The following FANCI variants were observed in gnomAD, a reference collection of about 807,000 sequenced individuals.
FANCI encodes FA complementation group I.
A neutral mutation model predicts 176.1 loss-of-function variants in FANCI; 156 were observed. The observed-to-expected ratio is 0.89, with a 90% CI of 0.78 to 1.01. The LOEUF (loss-of-function observed/expected upper bound fraction) is 1.01. Ranked by LOEUF, FANCI falls within the 50% of genes least tolerant of loss-of-function variation. FANCI has a pLI of 0.00. For missense variants in FANCI, 1,678 were observed against 1,534.1 expected, an observed-to-expected ratio of 1.09 and a Z score of -1.57; for synonymous variants, 613 against 541.7, an observed-to-expected ratio of 1.13 and a Z score of -1.83.
intron 6 of FANCI, among the ~76,000 whole-genome samples, chr15:89,263,083 T>G (rs2052783836): frequency 6.6e-6 from 1 of 152,226 alleles, no homozygotes; most frequent in South Asian, 2.1e-4. Context: ...GTACATGGCA[T>G]ATATTTCAAA....
intron 10 of FANCI, among the ~76,000 whole-genome samples, chr15:89,269,271 TAAG>T (rs1299373774): frequency 6.6e-6 from 1 of 152,218 alleles, no homozygotes; most frequent in African/African-American, 2.4e-5. Flanking sequence ...TTCAGCATGC[TAAG>T]AATAAGGACA....
At chr15:89,248,442 GT>G (rs2052086860) in intron 2 of FANCI, among the ~76,000 whole-genome samples, 1 of 152,024 alleles carries the variant, frequency 6.6e-6, no homozygotes, top group Non-Finnish European at 1.5e-5. Context: ...TTGTGTTAAT[GT>G]TGTAGTTATT....
At chr15:89,257,734 G>T (rs1219779109) in intron 2 of FANCI, among the ~76,000 whole-genome samples, 1 of 152,154 alleles carries the variant, frequency 6.6e-6, no homozygotes, top group Non-Finnish European at 1.5e-5. Flanking sequence ...GAAATTTGGG[G>T]TTGTGGGGAG....
In FANCI at chr15:89,284,007, C is replaced by T. The variant is rs543884867; in HGVS notation, c.1698+757C>T. 2.1e-4 allele frequency among the ~76,000 whole-genome samples: 32 copies of T among 152,064 alleles called. No homozygotes were observed. In the South Asian group the frequency reaches 3.1e-3, roughly 15 times the overall value. ...CGATCTCCTGACCTCGTGATCCACC[C>T]GCCTCGGCCTCCCAAAGTGCTGGGA... On this transcript the variant is annotated intron_variant, in intron 17 of 37. Transcript: ENST00000310775.
At chr15:89,268,717 C>T (rs1453790553) in intron 10 of FANCI, 192 bp downstream of exon 10, 5 of 623,094 alleles carry the variant, frequency 8.0e-6, no homozygotes, top group Middle Eastern at 9.2e-4. Flanking sequence ...TTTTTAATGT[C>T]CTCACTTTAG....
intron 18 of FANCI, among the ~76,000 whole-genome samples, chr15:89,288,883 C>G (rs993341771): frequency 1.1e-4 from 17 of 151,974 alleles, no homozygotes; most frequent in Admixed American, 5.2e-4. Flanking sequence ...TCAAGCGATC[C>G]TCCTGCCTCA....
In FANCI at chr15:89,307,692, T is replaced by C. The variant is rs1284385864; in HGVS notation, c.3651+20T>C. 3 of 1,614,164 alleles carry C rather than the reference T, an allele frequency of 1.9e-6. No individual in the cohort carries two copies. Among genetic ancestry groups the C allele is most frequent in the Non-Finnish European group, 1.7e-6 (2 of 1,180,032 alleles). ...GTACAGGTAAGAGATTCAGAGGCAG[T>C]ACCCAATAGGTCTTCAAGAAAGGAT... On this transcript the variant is annotated intron_variant, in intron 34 of 37. Transcript: ENST00000310775.
rs1043191934 is a variant in FANCI at position 89,295,010 on chromosome 15, A to G, written c.2552A>G (p.Gln851Arg). 6.4e-7 allele frequency: 1 copy of G among 1,552,324 alleles called. No homozygotes were observed. The highest frequency in any genetic ancestry group is 8.7e-7 in the Non-Finnish European group (1 of 1,147,134). Residue 851 changes from glutamine (Q) to arginine (R), a missense_variant, in exon 24 of 38, where the codon CAG (glutamine) becomes CGG (arginine). Gln to Arg is a conservative substitution (Grantham distance 43). Around this residue, in one of 3 missense-constraint regions of FANCI, gnomAD observed 1,204 missense variants for 1,077.4 expected, o/e 1.12. Transcript: ENST00000310775. The part of the protein sequence containing the change: ...YAVNVALQKV[Q>R]QLKETGHVSG... ...GTGAATGTAGCTCTGCAGAAAGTACAGCAGCTAAAGGAAACAGGGCATGTG... is the reference window on the plus strand; with the variant it reads ...GTGAATGTAGCTCTGCAGAAAGTACGGCAGCTAAAGGAAACAGGGCATGTG...
chr15:89,247,794 A>G, intron 2 of FANCI, 63 bp downstream of exon 2: 2 of 1,434,078 alleles, frequency 1.4e-6, no homozygotes, highest in Non-Finnish European at 2.0e-6. Context: ...CATTCAAAGG[A>G]CATGTGAGAA....
chr15:89,249,784 A>G (rs962709372), intron 2 of FANCI, among the ~76,000 whole-genome samples: 5 of 152,378 alleles, frequency 3.3e-5, no homozygotes, highest in Non-Finnish European at 4.4e-5. Context: ...AAACATTGCT[A>G]AAGAGAAAAT....
At chr15:89,294,854 C>T in intron 23 of FANCI, 61 bp from the exon 24 acceptor site, 2 of 1,508,562 alleles carry the variant, frequency 1.3e-6, no homozygotes, top group Non-Finnish European at 1.8e-6. Flanking sequence ...AGCTTAATTC[C>T]ATATACCAAT....
At chr15:89,309,336 A>T (rs929946725) in intron 34 of FANCI, among the ~76,000 whole-genome samples, 3 of 152,132 alleles carry the variant, frequency 2.0e-5, no homozygotes, top group African/African-American at 7.2e-5. Flanking sequence ...ACCTATAAAG[A>T]CACATTTCAC....
intron 11 of FANCI, 39 bp downstream of exon 11, chr15:89,273,508 T>C: frequency 1.1e-6 from 1 of 890,102 alleles, no homozygotes; most frequent in Non-Finnish European, 1.8e-6. Context: ...TTTCTGTAGT[T>C]GGTAAAAAAA....
chr15:89,298,865 A>C (rs1387944223), intron 24 of FANCI, among the ~76,000 whole-genome samples: 2 of 152,118 alleles, frequency 1.3e-5, no homozygotes, highest in Non-Finnish European at 2.9e-5. Context: ...TTGAAAGCTC[A>C]CTCAACAAAA....
At chr15:89,271,900 A>G (rs1228229051) in intron 10 of FANCI, among the ~76,000 whole-genome samples, 1 of 152,254 alleles carries the variant, frequency 6.6e-6, no homozygotes, top group Non-Finnish European at 1.5e-5. Flanking sequence ...ATTACAAATA[A>G]TGCTGCCACT....
chr15:89,305,968 G>A (rs781370696), intron 31 of FANCI, 39 bp from the exon 32 acceptor site: 13 of 1,606,696 alleles, frequency 8.1e-6, no homozygotes, highest in Admixed American at 3.3e-5. Flanking sequence ...ATTAGAAAAC[G>A]AAGTTGGGTT....
chr15:89,291,810 T>C (rs536047604), intron 20 of FANCI, 96 bp downstream of exon 20: 31 of 950,972 alleles, frequency 3.3e-5, no homozygotes, highest in Non-Finnish European at 5.1e-5. Context: ...ACTCTCTTCC[T>C]GGTTCTTCCA....
rs1365142503 is a variant in FANCI, at chr15:89,285,206, C to G, written c.1809C>G (p.Leu603=). 1 of 1,614,146 alleles carries G rather than the reference C, an allele frequency of 6.2e-7. No homozygotes were observed. The highest frequency in any genetic ancestry group is 1.1e-5 in the South Asian group (1 of 91,068). Residue 603 remains leucine (L), a synonymous_variant, in exon 18 of 38, where the codon CTC becomes CTG. Coordinates refer to ENST00000310775, the MANE Select transcript of FANCI (RefSeq NM_001113378.2). ...RCLSQQADVR[L]MLYEGFYDVL... ...TAAGCCAGCAAGCTGATGTTCGACT[C>G]ATGCTTTATGAGGTAAGTCCGTAGA...
chr15:89,265,682 C>G (rs1363977594), intron 9 of FANCI, among the ~76,000 whole-genome samples: 2 of 151,942 alleles, frequency 1.3e-5, no homozygotes, highest in Admixed American at 1.3e-4. Context: ...CGCCACCACG[C>G]CCAGCTAACT....
Sources: allele counts gnomAD v4.1 joint callset (sites outside exome capture counted in the v4.1 genomes callset), GRCh38; gene constraint gnomAD v4.1.1; regional missense constraint gnomAD v4.1.1; transcripts MANE v1.5; gene names NCBI Gene and HGNC (gene_info 2026-07-23, HGNC 2026-07-21).